DCUN1D2: variants seen among roughly 807,000 people sequenced by gnomAD.
DCUN1D2 encodes the protein defective in cullin neddylation 1 domain containing 2.
A neutral mutation model predicts 30.9 loss-of-function variants in DCUN1D2; 29 were observed. The observed-to-expected ratio is 0.94, with a 90% CI of 0.70 to 1.28. The LOEUF is 1.28. Ranked by LOEUF, DCUN1D2 falls within the 50% of genes most tolerant of loss-of-function variation. The pLI is 0.00. For missense variants in DCUN1D2, 325 were observed against 316.9 expected (o/e 1.03, Z -0.19); for synonymous variants, 121 against 115.3 (o/e 1.05, Z -0.32).
At chr13:113,491,469 C>T (rs1417663061), upstream of DCUN1D2, among the ~76,000 whole-genome samples, 13 of 149,542 alleles carry the variant, frequency 8.7e-5, no homozygotes, top group Non-Finnish European at 3.0e-5. Flanking sequence ...TCCCTTCTTC[C>T]CTTCCCAGGG....
At chr13:113,462,918 T>C (rs2044342324) in intron 4 of DCUN1D2, 2 of 1,231,514 alleles carry the variant, frequency 1.6e-6, no homozygotes, top group Non-Finnish European at 2.1e-6. Flanking sequence ...AATAAAGTTT[T>C]ATGGCACACA....
chr13:113,484,470 A>C (rs1167654042), intron 1 of DCUN1D2, among the ~76,000 whole-genome samples: 1 of 152,196 alleles, frequency 6.6e-6, no homozygotes, highest in African/African-American at 2.4e-5. Context: ...ATGAATGGGA[A>C]GAGGCTGTGC....
At chr13:113,483,574 A>C in intron 2 of DCUN1D2, among the ~76,000 whole-genome samples, 1 of 152,168 alleles carries the variant, frequency 6.6e-6, no homozygotes, top group Non-Finnish European at 1.5e-5. Flanking sequence ...CGTCAGACTC[A>C]CCGCACAGAA....
rs192462426 is a variant in DCUN1D2 at position 113,470,577 on chromosome 13, A to T, written c.520+3547T>A. Among the ~76,000 whole-genome samples the T allele has an allele frequency of 2.0e-4, 30 of 152,074 alleles. No homozygotes were observed. The East Asian group carries it at 4.8e-3, about 25-fold the overall frequency. ...CCAACTCCACAGGGGACTCAACTCCACAGGGAACCCAACTCCAGAAGACCC... is the reference window on the plus strand; with the variant it reads ...CCAACTCCACAGGGGACTCAACTCCTCAGGGAACCCAACTCCAGAAGACCC... On this transcript the variant is annotated intron_variant, in intron 4 of 6. Transcript: ENST00000478244.
In DCUN1D2 at chr13:113,462,814, A is replaced by G. The variant is rs1237640070; in HGVS notation, c.521-1678T>C. ...TTATAAGTCTACATCCTTATCACTT[A>G]GGAAGAACATTAATTGAAATCTATA... is the stretch of plus-strand genomic sequence containing the variant. On this transcript the variant is annotated intron_variant, in intron 4 of 6. Transcript: ENST00000478244. 3 of 1,206,876 alleles carry G rather than the reference A, an allele frequency of 2.5e-6. No homozygotes were observed. In the African/African-American group the frequency reaches 4.9e-5, roughly 20 times the overall value. 74.8% of individuals were successfully genotyped at this position (1,206,876 alleles called of 1,614,324 possible). A position where few individuals can be genotyped will look rare whatever the true frequency, so the allele number is the denominator to read the frequency against.
At chr13:113,473,239 T>C (rs1415438169) in intron 4 of DCUN1D2, among the ~76,000 whole-genome samples, 1 of 152,074 alleles carries the variant, frequency 6.6e-6, no homozygotes, top group African/African-American at 2.4e-5. Flanking sequence ...CCCGTGCCTC[T>C]GCCTCTGTGC....
chr13:113,484,853 G>C, intron 1 of DCUN1D2, among the ~76,000 whole-genome samples: 1 of 152,106 alleles, frequency 6.6e-6, no homozygotes, highest in East Asian at 1.9e-4. Context: ...AGGCTGAGGC[G>C]GATCACCTGA....
upstream of DCUN1D2, chr13:113,490,715 G>A: frequency 1.7e-6 from 2 of 1,191,086 alleles, no homozygotes; most frequent in Non-Finnish European, 2.1e-6. The surrounding 1 kb of genome is among the most constrained non-coding windows in gnomAD (Gnocchi z 5.2). Context: ...CTTCTGCGCA[G>A]GCGCGGCGGC....
intron 5 of DCUN1D2, among the ~76,000 whole-genome samples, chr13:113,460,643 C>T (rs575125226): frequency 2.0e-5 from 3 of 152,352 alleles, no homozygotes; most frequent in East Asian, 1.9e-4. Context: ...ACATACAATC[C>T]GCAGTTCCGG....
intron 4 of DCUN1D2, among the ~76,000 whole-genome samples, chr13:113,467,677 T>C (rs941884220): frequency 1.3e-5 from 2 of 152,120 alleles, no homozygotes; most frequent in African/African-American, 4.8e-5. Flanking sequence ...ATATGGTGGT[T>C]CCTCGTTCCT....
rs945062382 is a variant in DCUN1D2, at chr13:113,479,496, G to A, written c.389+1079C>T. 5.9e-5 allele frequency among the ~76,000 whole-genome samples: 9 copies of A among 152,276 alleles called. No individual in the cohort carries two copies. In the East Asian group the frequency reaches 1.7e-3, roughly 29 times the overall value. ...GGGCCAGGCACGGTGGCTCCCGCCTGTAATCCCAGCACTTTGGGAGGCTGA... is the reference window on the plus strand; with the variant it reads ...GGGCCAGGCACGGTGGCTCCCGCCTATAATCCCAGCACTTTGGGAGGCTGA... On this transcript the variant is annotated intron_variant, in intron 3 of 6. Coordinates refer to ENST00000478244, the MANE Select transcript of DCUN1D2 (RefSeq NM_001014283.2).
In DCUN1D2 at chr13:113,483,854, T is replaced by C. The variant is rs755518513; in HGVS notation, c.206A>G (p.Tyr69Cys). ...TCTCCTCTTACCTTTGTACCTGCCGTACAGCCGCTCCAGCTTCTTCTTGTC... is the reference window on the plus strand; with the variant it reads ...TCTCCTCTTACCTTTGTACCTGCCGCACAGCCGCTCCAGCTTCTTCTTGTC... Reference protein sequence around the residue: ...AVDKKKLERLYGRYKDPQDEN... With the variant: ...AVDKKKLERLCGRYKDPQDEN... The change falls in exon 2 of 7, where the codon TAC (tyrosine) becomes TGC (cysteine). Residue 69 changes from tyrosine (Y) to cysteine (C), a missense_variant. By Grantham distance (194) the Tyr-to-Cys change is radical (BLOSUM62 -2). Transcript: ENST00000478244. 20 of 1,612,380 alleles carry C rather than the reference T, an allele frequency of 1.2e-5. No homozygotes were observed.
chr13:113,471,526 A>G (rs1194127809), intron 4 of DCUN1D2, among the ~76,000 whole-genome samples: 1 of 152,268 alleles, frequency 6.6e-6, no homozygotes, highest in Non-Finnish European at 1.5e-5. Context: ...ATTAGAAAGT[A>G]CTTACTGAAA....
intron 4 of DCUN1D2, among the ~76,000 whole-genome samples, chr13:113,469,651 T>G (rs2139697855): frequency 6.6e-6 from 1 of 151,854 alleles, no homozygotes; most frequent in East Asian, 1.9e-4. Flanking sequence ...CACTTAAACC[T>G]GGGCAACGGA....
At chr13:113,468,982 G>A (rs2044456768) in intron 4 of DCUN1D2, 1 of 152,494 alleles carries the variant, frequency 6.6e-6, no homozygotes, top group African/African-American at 2.4e-5. Context: ...GTAGGCTGTG[G>A]CTGAGGGCAG....
In DCUN1D2 at chr13:113,456,585, C is replaced by CT. The variant is rs2044229845; in HGVS notation, c.*1443dup. On this transcript the variant is annotated 3_prime_UTR_variant, in exon 7 of 7. Coordinates refer to ENST00000478244, the MANE Select transcript of DCUN1D2 (RefSeq NM_001014283.2). ...CAAGGCACGCCTGTGACATGAGAGTCTCGGCACGTGAGGTAGGGTCAACAG... is the reference window on the plus strand; with the variant it reads ...CAAGGCACGCCTGTGACATGAGAGTCTTCGGCACGTGAGGTAGGGTCAACAG... The CT allele has an allele frequency of 5.1e-6, 2 of 389,756 alleles. No homozygotes were observed. The highest frequency in any genetic ancestry group is 2.9e-4 in the South Asian group (2 of 6,934). The allele number at this position is 389,756 out of a possible 1,614,324, so 24.1% of individuals were successfully genotyped here. A position where few individuals can be genotyped will look rare whatever the true frequency, so the allele number is the denominator to read the frequency against.
Position 113,484,042 on chromosome 13 carries a change from C to CAAGGTCTGAGATAA in DCUN1D2, c.17_18insTTATCTCAGACCTT (p.Ser7TyrfsTer29), listed in dbSNP as rs1339751880. The CAAGGTCTGAGATAA allele has an allele frequency of 9.9e-6, 16 of 1,613,754 alleles. No individual in the cohort carries two copies. The highest frequency in any genetic ancestry group is 1.3e-5 in the Non-Finnish European group (15 of 1,180,030). On this transcript the variant is annotated frameshift_variant, in exon 2 of 7. Coordinates refer to ENST00000478244, the MANE Select transcript of DCUN1D2 (RefSeq NM_001014283.2). LOFTEE classifies it high-confidence loss of function. ...ACTGGCGGACCTTGTCCTTCTGAGACGATTTAAGCTTATGCTTTGGGATGC... is the reference window on the plus strand; with the variant it reads ...ACTGGCGGACCTTGTCCTTCTGAGACAAGGTCTGAGATAAGATTTAAGCTTATGCTTTGGGATGC...
chr13:113,484,278 C>T (rs567116831), intron 1 of DCUN1D2: 514 of 952,108 alleles, frequency 5.4e-4, no homozygotes, highest in Non-Finnish European at 7.1e-4. Flanking sequence ...ACATTTTATA[C>T]AAAATACATT....
Position 113,471,594 on chromosome 13 carries a change from A to G in DCUN1D2, c.520+2530T>C, listed in dbSNP as rs142674770. 2.0e-3 allele frequency among the ~76,000 whole-genome samples: 311 copies of G among 152,330 alleles called. 6 individuals carry two copies. In the South Asian group the frequency reaches 0.04, roughly 20 times the overall value. ...TGGACGACCCACAACACCCAGACAC[A>G]TTTTAGTAAAATTACTGGGCTTCAA... On this transcript the variant is annotated intron_variant, in intron 4 of 6. Coordinates refer to ENST00000478244, the MANE Select transcript of DCUN1D2 (RefSeq NM_001014283.2).
Sources: gnomAD v4.1 joint callset for allele counts (sites outside exome capture counted in the v4.1 genomes callset) on GRCh38, gnomAD v4.1.1 for gene constraint, Gnocchi (gnomAD v3.1) non-coding constraint, MANE v1.5 for transcripts, NCBI Gene and HGNC (gene_info 2026-07-23, HGNC 2026-07-21) for gene names.